The following NOP58 variants were observed in gnomAD, a reference collection of about 807,000 sequenced individuals.
NOP58 encodes NOP58 ribonucleoprotein, also known as nucleolar protein 58.
Under a neutral mutation model 71.2 loss-of-function variants are expected in NOP58, and 44 were observed. That is an observed-to-expected ratio of 0.62 (90% CI 0.49 to 0.79). NOP58 has a LOEUF of 0.79. Among genes scored for constraint, NOP58 ranks in the 30% least tolerant of loss-of-function variants. The pLI is 0.00. For missense variants in NOP58, 538 were observed against 620.2 expected, an observed-to-expected ratio of 0.87 and a Z score of 1.41; for synonymous variants, 228 against 200.3, an observed-to-expected ratio of 1.14 and a Z score of -1.17.
chr2:202,282,602 A>G (rs564746356), intron 4 of NOP58, 130 bp downstream of exon 4: 15 of 819,358 alleles, frequency 1.8e-5, no homozygotes, highest in Non-Finnish European at 2.4e-5. Context: ...TCTAAGCTAC[A>G]TGATAATGGA....
chr2:202,284,304 T>C, intron 4 of NOP58, 41 bp from the exon 5 acceptor site: 2 of 590,820 alleles, frequency 3.4e-6, no homozygotes. Flanking sequence ...CAGGAAAGTC[T>C]TTTTTTTTTT....
chr2:202,296,773 G>A (rs557437066), intron 10 of NOP58, among the ~76,000 whole-genome samples: 63 of 151,346 alleles, frequency 4.2e-4, no homozygotes, highest in Non-Finnish European at 8.2e-4. Context: ...TCACTCTGTC[G>A]CCCAGACTGG....
intron 3 of NOP58, among the ~76,000 whole-genome samples, chr2:202,281,822 C>T (rs760005386): frequency 1.3e-4 from 20 of 152,174 alleles, no homozygotes; most frequent in Non-Finnish European, 2.8e-4. Flanking sequence ...GCCAGAAATA[C>T]CAGCGGTCTC....
At chr2:202,291,719 A>G (rs1688900808) in intron 8 of NOP58, among the ~76,000 whole-genome samples, 1 of 147,190 alleles carries the variant, frequency 6.8e-6, no homozygotes, top group South Asian at 2.2e-4. Flanking sequence ...AGACAGGAGA[A>G]TCGCTTGAAC....
chr2:202,300,941 G>A (rs539781007), intron 13 of NOP58, among the ~76,000 whole-genome samples: 1 of 152,140 alleles, frequency 6.6e-6, no homozygotes, highest in Admixed American at 6.6e-5. Flanking sequence ...CACAATGATT[G>A]CTTTAACTTG....
intron 1 of NOP58, among the ~76,000 whole-genome samples, chr2:202,272,149 A>ATTTT (rs570916461): frequency 5.2e-4 from 58 of 111,132 alleles, no homozygotes; most frequent in South Asian, 8.5e-4. Flanking sequence ...CTGATGTATA[A>ATTTT]TTTTTTTTTT....
At chr2:202,276,414 T>C (rs1322518119) in intron 2 of NOP58, 2 of 498,410 alleles carry the variant, frequency 4.0e-6, no homozygotes, top group African/African-American at 3.9e-5. Flanking sequence ...GTTATATGCT[T>C]TGTTGGGTTA....
intron 4 of NOP58, among the ~76,000 whole-genome samples, chr2:202,283,469 T>C (rs1355837064): frequency 7.3e-6 from 1 of 137,882 alleles, no homozygotes; most frequent in Non-Finnish European, 1.5e-5. Context: ...TAAGACGGAG[T>C]CTCACTCTGT....
In NOP58 at chr2:202,284,554, T is replaced by C; in HGVS notation, c.434+73T>C. The stretch of plus-strand genomic sequence containing the variant: ...GCTTAACATAGATCTGTTCTAAGAA[T>C]GTTACAAATGCTCATTTGAACCACA... On this transcript the variant is annotated intron_variant, in intron 5 of 14. Coordinates refer to ENST00000264279, the MANE Select transcript of NOP58 (RefSeq NM_015934.5). 3.4e-6 allele frequency: 5 copies of C among 1,458,152 alleles called. No homozygotes were observed. The South Asian group carries it at 3.7e-5, about 11-fold the overall frequency. The allele number at this position is 1,458,152 out of a possible 1,614,324, so 90.3% of individuals were successfully genotyped here. A position where few individuals can be genotyped will look rare whatever the true frequency, so the allele number is the denominator to read the frequency against.
intron 3 of NOP58, among the ~76,000 whole-genome samples, chr2:202,279,902 T>C (rs1246472550): frequency 1.3e-5 from 2 of 152,192 alleles, no homozygotes; most frequent in Admixed American, 1.3e-4. Context: ...GCAGAGACTG[T>C]TCTGTACTGT....
intron 1 of NOP58, among the ~76,000 whole-genome samples, chr2:202,270,949 A>G (rs1688503075): frequency 6.6e-6 from 1 of 152,012 alleles, no homozygotes; most frequent in Non-Finnish European, 1.5e-5. Flanking sequence ...TTAGCCGGGC[A>G]TGGTGGTGTG....
intron 9 of NOP58, among the ~76,000 whole-genome samples, 167 bp from the exon 10 acceptor site, chr2:202,295,507 C>A (rs2105854284): frequency 6.6e-6 from 1 of 152,246 alleles, no homozygotes; most frequent in Non-Finnish European, 1.5e-5. Context: ...GAAGGAATTA[C>A]AAATGAAACA....
At chr2:202,277,896 G>C in intron 2 of NOP58, 54 bp from the exon 3 acceptor site, 1 of 922,284 alleles carries the variant, frequency 1.1e-6, no homozygotes, top group Non-Finnish European at 1.7e-6. Flanking sequence ...TGTGGCTTTT[G>C]AATCAACGCA....
intron 5 of NOP58, among the ~76,000 whole-genome samples, chr2:202,285,239 A>G (rs1688768847): frequency 6.7e-6 from 1 of 150,308 alleles, no homozygotes; most frequent in Non-Finnish European, 1.5e-5. Context: ...ACGGGCTTTC[A>G]CCATGTTGGC....
intron 4 of NOP58, among the ~76,000 whole-genome samples, chr2:202,283,948 GAA>G (rs1362018545): frequency 1.3e-5 from 2 of 152,088 alleles, no homozygotes; most frequent in African/African-American, 4.8e-5. Context: ...GTCCAACTGA[GAA>G]ATGCGTATAT....
At chr2:202,276,561 T>A (rs1170804471) in intron 2 of NOP58, 1 of 455,350 alleles carries the variant, frequency 2.2e-6, no homozygotes, top group Admixed American at 2.2e-5. Context: ...ACCCTGAGGC[T>A]GGGCGTGATG....
Position 202,302,073 on chromosome 2 carries a change from T to C in NOP58, c.1403-848T>C, listed in dbSNP as rs74673016. On this transcript the variant is annotated intron_variant, in intron 13 of 14. Coordinates refer to ENST00000264279, the MANE Select transcript of NOP58 (RefSeq NM_015934.5). ...TGAATTTCTCTCTCTTTTCTTTTTC[T>C]TTTTTTTTTCTTTTTTTTTTTTTTT... 4.2e-4 allele frequency among the ~76,000 whole-genome samples: 60 copies of C among 142,518 alleles called. 1 individual carries two copies. The highest frequency in any genetic ancestry group is 9.7e-4 in the African/African-American group (36 of 37,180). 93.5% of individuals were successfully genotyped at this position (142,518 alleles called of 152,430 possible).
In NOP58 at chr2:202,300,287, A is replaced by G; in HGVS notation, c.1322A>G (p.Lys441Arg). The stretch of plus-strand genomic sequence containing the variant: ...GACTCCACACTTCCAACCTGTTCTA[A>G]AAAACGCAAAATAGAACAGGTAGAT... ...SGDSTLPTCSKKRKIEQVDKE... is the reference protein window; with the variant it reads ...SGDSTLPTCSRKRKIEQVDKE... Residue 441 changes from lysine (K) to arginine (R), a missense_variant, in exon 13 of 15, where the codon AAA becomes AGA. Coordinates refer to ENST00000264279, the MANE Select transcript of NOP58 (RefSeq NM_015934.5). 1 of 1,603,104 alleles carries G rather than the reference A, an allele frequency of 6.2e-7. No homozygotes were observed. The highest frequency in any genetic ancestry group is 8.5e-7 in the Non-Finnish European group (1 of 1,177,594).
At chr2:202,272,080 ACAATGTTG>A (rs887091317) in intron 1 of NOP58, among the ~76,000 whole-genome samples, 4 of 152,150 alleles carry the variant, frequency 2.6e-5, no homozygotes, top group Non-Finnish European at 4.4e-5. Flanking sequence ...TAAGAGAAAC[ACAATGTTG>A]CAAGTTGTAT....
Sources: gnomAD v4.1 joint callset for allele counts (sites outside exome capture counted in the v4.1 genomes callset) on GRCh38, gnomAD v4.1.1 for gene constraint, MANE v1.5 for transcripts, NCBI Gene and HGNC (gene_info 2026-07-23, HGNC 2026-07-21) for gene names.